Variants in ROS1 observed in about 807,000 individuals in gnomAD.
The protein encoded by ROS1 is proto-oncogene tyrosine-protein kinase ROS.
ROS1 carries 263 observed loss-of-function variants against 273.5 expected under a neutral mutation model. That is an observed-to-expected ratio of 0.96 (90% CI 0.87 to 1.06). The LOEUF (loss-of-function observed/expected upper bound fraction) is 1.06. Among genes scored for constraint, ROS1 ranks in the 50% least tolerant of loss-of-function variants. The pLI is 0.00. For missense variants in ROS1, 2,833 were observed against 2,751.1 expected, an observed-to-expected ratio of 1.03 and a Z score of -0.67; for synonymous variants, 1,008 against 954.1, an observed-to-expected ratio of 1.06 and a Z score of -1.04.
At chr6:117,399,247 T>C (rs1330223260) in intron 7 of ROS1, among the ~76,000 whole-genome samples, 1 of 152,214 alleles carries the variant, frequency 6.6e-6, no homozygotes, top group Non-Finnish European at 1.5e-5. Context: ...GCCCAGCCAA[T>C]GTCCCTGCAC....
chr6:117,378,804 C>T (rs1781549377), intron 18 of ROS1, among the ~76,000 whole-genome samples: 1 of 152,050 alleles, frequency 6.6e-6, no homozygotes, highest in South Asian at 2.1e-4. Flanking sequence ...AAAGCTTATC[C>T]ATACACTTCC....
At chr6:117,348,559 G>A (rs763747448) in intron 27 of ROS1, among the ~76,000 whole-genome samples, 5 of 151,338 alleles carry the variant, frequency 3.3e-5, no homozygotes, top group Non-Finnish European at 7.4e-5. Context: ...TTTCTCTATT[G>A]ATTTCCTGTT....
At chr6:117,320,943 A>C (rs1290659822) in intron 36 of ROS1, among the ~76,000 whole-genome samples, 1 of 152,052 alleles carries the variant, frequency 6.6e-6, no homozygotes, top group East Asian at 1.9e-4. Context: ...CCTCTCAAAC[A>C]CTGCCTCCAG....
In ROS1 at chr6:117,409,215, A is replaced by AAAAT. The variant is rs1199693806; in HGVS notation, c.316+363_316+366dup. On this transcript the variant is annotated intron_variant, in intron 5 of 43. Coordinates refer to ENST00000368507, the MANE Select transcript of ROS1 (RefSeq NM_001378902.1). ...TGTACCCTAAAACTTAAAGTATAAT[A>AAAAT]AAATAAATAAATAAATAAAAAAGAG... 5.0e-4 allele frequency among the ~76,000 whole-genome samples: 73 copies of AAAAT among 144,578 alleles called. 1 individual carries two copies. Among genetic ancestry groups the AAAAT allele is most frequent in the Middle Eastern group, 3.4e-3 (1 of 290 alleles). The allele number at this position is 144,578 out of a possible 152,430, so 94.8% of individuals were successfully genotyped here.
At chr6:117,335,494 T>C (rs1378743808) in intron 32 of ROS1, among the ~76,000 whole-genome samples, 2 of 152,200 alleles carry the variant, frequency 1.3e-5, no homozygotes, top group Non-Finnish European at 1.5e-5. Context: ...ATTGAGTACA[T>C]ACCCAAAGGA....
At chr6:117,396,848 T>G (rs1336698014) in intron 8 of ROS1, 67 bp downstream of exon 8, 2 of 1,137,018 alleles carry the variant, frequency 1.8e-6, no homozygotes, top group Non-Finnish European at 2.6e-6. Context: ...ATACCCATAT[T>G]TCTTAAATAA....
At position 117,386,960 on chromosome 6, in the gene ROS1, C is replaced by T. The variant is rs773963225; in HGVS notation, c.2039G>A (p.Gly680Glu). 9 of 1,612,694 alleles carry T rather than the reference C, an allele frequency of 5.6e-6. No homozygotes were observed. Among genetic ancestry groups the T allele is most frequent in the Non-Finnish European group, 5.9e-6 (7 of 1,179,144 alleles). Residue 680 changes from glycine (G) to glutamate (E), a missense_variant, in exon 15 of 44, where the codon GGG becomes GAG. Coordinates refer to ENST00000368507, the MANE Select transcript of ROS1 (RefSeq NM_001378902.1). ...PPFIMAVKED[G>E]LWSKPLNSFG... Reference sequence around the variant, plus strand: ...GCTATTTAATGGTTTACTCCAAAGCCCATCTTCTTTCACAGCCATGATAAA... The same window carrying T: ...GCTATTTAATGGTTTACTCCAAAGCTCATCTTCTTTCACAGCCATGATAAA...
At chr6:117,354,013 C>T (rs746773310) in intron 26 of ROS1, among the ~76,000 whole-genome samples, 1 of 152,088 alleles carries the variant, frequency 6.6e-6, no homozygotes, top group Non-Finnish European at 1.5e-5. Flanking sequence ...TTAGATGCCA[C>T]ATTGCCTGGG....
intron 42 of ROS1, among the ~76,000 whole-genome samples, chr6:117,304,983 T>C (rs1398916867): frequency 6.6e-6 from 1 of 152,120 alleles, no homozygotes; most frequent in Non-Finnish European, 1.5e-5. Context: ...CCCTCTGCCA[T>C]GATTGTAAGC....
intron 7 of ROS1, among the ~76,000 whole-genome samples, chr6:117,402,268 G>A (rs1312040636): frequency 6.6e-6 from 1 of 152,126 alleles, no homozygotes; most frequent in Non-Finnish European, 1.5e-5. Flanking sequence ...TCCTTGATCA[G>A]GCCACAGATG....
At chr6:117,298,997 GTA>G (rs200028379) in intron 43 of ROS1, among the ~76,000 whole-genome samples, 26 of 50,444 alleles carry the variant, frequency 5.2e-4, no homozygotes, top group Non-Finnish European at 9.4e-4. Flanking sequence ...ACATAGGCAA[GTA>G]TATATATAGA....
chr6:117,389,267 A>T (rs1256844401), intron 13 of ROS1, 83 bp downstream of exon 13: 1 of 1,480,846 alleles, frequency 6.8e-7, no homozygotes, highest in African/African-American at 1.4e-5. Flanking sequence ...GGGGCTCTCA[A>T]AATTGAATCA....
At chr6:117,422,812 T>C (rs1049440825) in intron 1 of ROS1, among the ~76,000 whole-genome samples, 1 of 152,170 alleles carries the variant, frequency 6.6e-6, no homozygotes, top group African/African-American at 2.4e-5. Flanking sequence ...ATCTCAGTAT[T>C]TGATAACTTA....
chr6:117,296,830 T>C (rs1774282084), intron 43 of ROS1, among the ~76,000 whole-genome samples: 1 of 152,182 alleles, frequency 6.6e-6, no homozygotes, highest in African/African-American at 2.4e-5. Flanking sequence ...ACACAAAGGA[T>C]AAATGCTTGA....
At chr6:117,360,291 C>G in intron 23 of ROS1, 51 bp downstream of exon 23, 2 of 1,411,852 alleles carry the variant, frequency 1.4e-6, no homozygotes, top group Non-Finnish European at 2.0e-6. Flanking sequence ...CACACACACA[C>G]ACACACACGC....
chr6:117,400,196 C>G (rs1261184208), intron 7 of ROS1, among the ~76,000 whole-genome samples: 2 of 152,192 alleles, frequency 1.3e-5, no homozygotes, highest in Non-Finnish European at 1.5e-5. Context: ...CACCTCATGT[C>G]TAACTCAACA....
chr6:117,356,934 T>TC lies in ROS1; in HGVS notation c.3840-20dup. 6.3e-7 allele frequency: 1 copy of TC among 1,586,746 alleles called. No homozygotes were observed. Among genetic ancestry groups the TC allele is most frequent in the Non-Finnish European group, 8.6e-7 (1 of 1,166,520 alleles). ...CAAGCGACTATAGAGGAAAAAAAAG[T>TC]CCCCCCAACTTAATGAGTAAAATAC... On this transcript the variant is annotated intron_variant, in intron 25 of 43. Coordinates refer to ENST00000368507, the MANE Select transcript of ROS1 (RefSeq NM_001378902.1).
At chr6:117,406,519 TA>T (rs1562375781) in intron 5 of ROS1, among the ~76,000 whole-genome samples, 4 of 152,080 alleles carry the variant, frequency 2.6e-5, no homozygotes, top group Non-Finnish European at 5.9e-5. Context: ...AATGAGAAAA[TA>T]AAAATAAAGC....
chr6:117,349,370 G>C (rs570554474), intron 27 of ROS1, among the ~76,000 whole-genome samples: 51 of 152,030 alleles, frequency 3.4e-4, no homozygotes, highest in African/African-American at 1.2e-3. Context: ...GAAGTCTGCT[G>C]TCTGAAATTG....
Sources: gnomAD v4.1 joint callset for allele counts (sites outside exome capture counted in the v4.1 genomes callset) on GRCh38, gnomAD v4.1.1 for gene constraint, MANE v1.5 for transcripts, NCBI Gene and HGNC (gene_info 2026-07-23, HGNC 2026-07-21) for gene names.